The following NR2F1-AS1 variants were observed in gnomAD, a reference collection of about 807,000 sequenced individuals.
The protein encoded by NR2F1-AS1 is NR2F1 regulatory antisense RNA 1.
chr5:93,570,384 T>C (rs1752724380), intron 1 of NR2F1-AS1: 1 of 152,476 alleles, frequency 6.6e-6, no homozygotes, highest in South Asian at 2.1e-4. Flanking sequence ...ATGGCAAGGT[T>C]CAGCGCTTTA....
intron 4 of NR2F1-AS1, among the ~76,000 whole-genome samples, chr5:93,509,928 T>C (rs1282185264): frequency 6.6e-6 from 1 of 152,020 alleles, no homozygotes; most frequent in Non-Finnish European, 1.5e-5. Flanking sequence ...TCGATGAATA[T>C]GTAAAACATT....
intron 4 of NR2F1-AS1, among the ~76,000 whole-genome samples, chr5:93,476,867 G>A (rs1414312875): frequency 6.6e-6 from 1 of 152,034 alleles, no homozygotes; most frequent in Non-Finnish European, 1.5e-5. Flanking sequence ...AAGAATCTTT[G>A]CTAAATGAAA....
chr5:93,485,400 C>A (rs1392658769), intron 4 of NR2F1-AS1, among the ~76,000 whole-genome samples: 1 of 152,114 alleles, frequency 6.6e-6, no homozygotes, highest in Non-Finnish European at 1.5e-5. Flanking sequence ...TAATTAAGTT[C>A]TTTGAAACCA....
intron 4 of NR2F1-AS1, among the ~76,000 whole-genome samples, chr5:93,478,472 C>T (rs1228180185): frequency 6.6e-6 from 1 of 152,174 alleles, no homozygotes; most frequent in African/African-American, 2.4e-5. Context: ...GGCACGATCT[C>T]GGCTCACTGC....
At chr5:93,571,601 T>C (rs1413771626) in intron 1 of NR2F1-AS1, among the ~76,000 whole-genome samples, 1 of 151,968 alleles carries the variant, frequency 6.6e-6, no homozygotes, top group Non-Finnish European at 1.5e-5. Flanking sequence ...ACTAAGTTCC[T>C]TAGACTCTTT....
intron 4 of NR2F1-AS1, among the ~76,000 whole-genome samples, chr5:93,513,473 C>A (rs1751342775): frequency 6.6e-6 from 1 of 152,148 alleles, no homozygotes. Context: ...CCATGGAATA[C>A]TATGCAGTCA....
chr5:93,461,447 T>C (rs115193773), intron 4 of NR2F1-AS1, among the ~76,000 whole-genome samples: 2 of 152,106 alleles, frequency 1.3e-5, no homozygotes, highest in African/African-American at 4.8e-5. Context: ...TGTTTACCTA[T>C]GTAACAAACC....
chr5:93,584,640 G>C (rs901486320), upstream of NR2F1-AS1: 2 of 147,506 alleles, frequency 1.4e-5, no homozygotes, highest in South Asian at 2.1e-4. Context: ...AGGGGGGAAG[G>C]AGAGCGCGGC....
intron 4 of NR2F1-AS1, among the ~76,000 whole-genome samples, chr5:93,495,866 T>C (rs943303742): frequency 2.6e-5 from 4 of 152,126 alleles, no homozygotes; most frequent in African/African-American, 9.7e-5. Flanking sequence ...CGTCAAATTT[T>C]CTGAATTTAT....
In NR2F1-AS1 at chr5:93,523,160, G is replaced by C. The variant is rs180983766; in HGVS notation, n.638+30601C>G. 5.1e-4 allele frequency among the ~76,000 whole-genome samples: 77 copies of C among 152,270 alleles called. 1 individual carries two copies. Among genetic ancestry groups the C allele is most frequent in the Admixed American group, 9.2e-4 (14 of 15,286 alleles). On this transcript the variant is annotated intron_variant and non_coding_transcript_variant, in intron 4 of 5. Transcript: ENST00000660523. ...CGACCTGGGATGCTTGAGCTTGGTG[G>C]GGGGAGGGGTGTCTGCCATTACTGA...
intron 4 of NR2F1-AS1, among the ~76,000 whole-genome samples, chr5:93,493,348 C>T (rs979379813): frequency 6.6e-6 from 1 of 151,940 alleles, no homozygotes; most frequent in Non-Finnish European, 1.5e-5. Context: ...GAAAGACATA[C>T]ACTGTATGTC....
chr5:93,417,939 C>T (rs1190948585), intron 4 of NR2F1-AS1, among the ~76,000 whole-genome samples: 7 of 152,116 alleles, frequency 4.6e-5, no homozygotes, highest in Non-Finnish European at 1.0e-4. Context: ...TCAGAGGGGG[C>T]CACCTGGAGC....
intron 4 of NR2F1-AS1, among the ~76,000 whole-genome samples, chr5:93,524,607 G>A (rs1751572480): frequency 6.6e-6 from 1 of 152,172 alleles, no homozygotes; most frequent in Non-Finnish European, 1.5e-5. Context: ...CAGCCAGACA[G>A]TAAGGTCGGG....
At chr5:93,535,485 T>C (rs910071702) in intron 4 of NR2F1-AS1, among the ~76,000 whole-genome samples, 1 of 151,994 alleles carries the variant, frequency 6.6e-6, no homozygotes, top group Non-Finnish European at 1.5e-5. Flanking sequence ...AGTGTTAACA[T>C]GTTGATGTAT....
chr5:93,550,118 A>T (rs1276774316), intron 4 of NR2F1-AS1, among the ~76,000 whole-genome samples: 1 of 151,980 alleles, frequency 6.6e-6, no homozygotes, highest in Non-Finnish European at 1.5e-5. Flanking sequence ...GTATAATTAA[A>T]AAAAAAAAAG....
chr5:93,584,195 G>C (rs1753181375), upstream of NR2F1-AS1: 1 of 148,558 alleles, frequency 6.7e-6, no homozygotes, highest in African/African-American at 2.4e-5. Flanking sequence ...GCCTCCGCTC[G>C]CGCTCCGGCT....
chr5:93,463,163 C>A (rs1026075291), intron 4 of NR2F1-AS1, among the ~76,000 whole-genome samples: 1 of 152,178 alleles, frequency 6.6e-6, no homozygotes, highest in Non-Finnish European at 1.5e-5. Flanking sequence ...TGCACAGGGC[C>A]CCCCTGCTGT....
At chr5:93,542,051 A>G (rs2149906298) in intron 4 of NR2F1-AS1, 1 of 150,118 alleles carries the variant, frequency 6.7e-6, no homozygotes, top group East Asian at 1.9e-4. Context: ...CATTTTATTC[A>G]TTGTGCATTT....
At chr5:93,535,953 G>A (rs888906942) in intron 4 of NR2F1-AS1, among the ~76,000 whole-genome samples, 12 of 152,036 alleles carry the variant, frequency 7.9e-5, no homozygotes, top group Non-Finnish European at 1.6e-4. Context: ...TCTAAGTAGA[G>A]CAATTAGACA....
Sources: allele counts gnomAD v4.1 joint callset (sites outside exome capture counted in the v4.1 genomes callset), GRCh38; gene constraint gnomAD v4.1.1; transcripts MANE v1.5; gene names NCBI Gene and HGNC (gene_info 2026-07-23, HGNC 2026-07-21).